Variants in DMD observed in about 807,000 individuals in gnomAD.
The protein encoded by DMD is dystrophin, also known as mutant dystrophin.
In DMD, 63 loss-of-function variants were observed where a neutral mutation model predicts 330.1. That is an observed-to-expected ratio of 0.19 (90% CI 0.16 to 0.24). The LOEUF is 0.24. Ranked by LOEUF, DMD falls within the 10% of genes least tolerant of loss-of-function variation. DMD has a pLI of 1.00. For synonymous variants in DMD, 1,223 were observed against 959.8 expected (o/e 1.27, Z -5.07); for missense variants, 3,344 against 2,684.1 (o/e 1.25, Z -5.43).
chrX:32,815,494 C>CATATATATATATATATATAT (rs1557051738), intron 6 of DMD, among the ~76,000 whole-genome samples: 2 of 71,849 alleles, frequency 2.8e-5, no homozygotes, highest in African/African-American at 5.7e-5. Flanking sequence ...CACACACAAG[C>CATATATATATATATATATAT]ATATATATAT....
intron 61 of DMD, among the ~76,000 whole-genome samples, chrX:31,336,926 CT>C (rs66807082): frequency 0.29 from 27,247 of 94,105 alleles, 3,327 homozygotes; most frequent in East Asian, 0.52. Flanking sequence ...TTCTTTCTTT[CT>C]TTTTTTTTTT....
At chrX:32,784,486 C>A (rs770187938) in intron 7 of DMD, among the ~76,000 whole-genome samples, 1 of 111,642 alleles carries the variant, frequency 9.0e-6, no homozygotes, top group Non-Finnish European at 1.9e-5. Flanking sequence ...GAAAATAAAT[C>A]CAGAACTTTT....
chrX:33,286,113 A>T (rs2053428028), intron 1 of DMD, among the ~76,000 whole-genome samples: 1 of 111,801 alleles, frequency 8.9e-6, no homozygotes, highest in African/African-American at 3.2e-5. Flanking sequence ...AGAGCATATT[A>T]GTATTGCATT....
At chrX:31,857,238 G>A (rs750510699) in intron 48 of DMD, among the ~76,000 whole-genome samples, 2 of 108,156 alleles carry the variant, frequency 1.8e-5, no homozygotes, top group South Asian at 8.2e-4. Flanking sequence ...AATTAGCCGG[G>A]TGTGGTGGTG....
At chrX:32,674,280 T>A (rs1389823582) in intron 9 of DMD, among the ~76,000 whole-genome samples, 1 of 111,651 alleles carries the variant, frequency 9.0e-6, no homozygotes, top group Non-Finnish European at 1.9e-5. Flanking sequence ...ACTGGATGGA[T>A]CATAAAGACT....
chrX:32,456,578 TTGTGTGTGTGTGTGTGTGTGTGTGTG>T (rs60876331), intron 25 of DMD, among the ~76,000 whole-genome samples: 2 of 89,506 alleles, frequency 2.2e-5, no homozygotes, highest in East Asian at 3.7e-4. Flanking sequence ...CATACATACT[TTGTGTGTGTGTGTGTGTGTGTGTGTG>T]TGTGTGTGTG....
At chrX:31,425,258 C>T (rs1669567027) in intron 60 of DMD, among the ~76,000 whole-genome samples, 1 of 112,318 alleles carries the variant, frequency 8.9e-6, no homozygotes, top group Admixed American at 9.5e-5. Flanking sequence ...TCTGAAAAGG[C>T]ACTTTTTCTA....
chrX:32,727,670 G>A (rs757547835), intron 7 of DMD, among the ~76,000 whole-genome samples: 1 of 110,704 alleles, frequency 9.0e-6, no homozygotes, highest in Non-Finnish European at 1.9e-5. Flanking sequence ...AACAACAAAT[G>A]TGTTAAAAGT....
At chrX:33,280,309 G>T (rs1191713303) in intron 1 of DMD, among the ~76,000 whole-genome samples, 1 of 111,937 alleles carries the variant, frequency 8.9e-6, no homozygotes, top group African/African-American at 3.2e-5. Flanking sequence ...AGAATATTTT[G>T]CATAGCAAAA....
At chrX:31,180,824 C>A (rs2041082161) in intron 68 of DMD, among the ~76,000 whole-genome samples, 1 of 112,005 alleles carries the variant, frequency 8.9e-6, no homozygotes, top group South Asian at 3.7e-4. Context: ...AAAAGAACTT[C>A]CAGGAGCGAC....
At chrX:32,727,543 T>C (rs1000833577) in intron 7 of DMD, among the ~76,000 whole-genome samples, 1 of 110,358 alleles carries the variant, frequency 9.1e-6, no homozygotes, top group East Asian at 2.9e-4. Flanking sequence ...TATTGGTCCC[T>C]TCAGTGAATA....
At chrX:32,496,469 T>C (rs2043494412) in intron 19 of DMD, among the ~76,000 whole-genome samples, 1 of 112,160 alleles carries the variant, frequency 8.9e-6, no homozygotes, top group African/African-American at 3.2e-5. Flanking sequence ...AAATTAATAG[T>C]ATATATAAAA....
intron 49 of DMD, among the ~76,000 whole-genome samples, chrX:31,825,271 T>C (rs1486669011): frequency 1.8e-5 from 2 of 111,683 alleles, no homozygotes; most frequent in Non-Finnish European, 3.8e-5. Flanking sequence ...CTGAGAAATG[T>C]GGTAATCTTA....
intron 52 of DMD, among the ~76,000 whole-genome samples, chrX:31,687,612 T>C (rs1440453862): frequency 8.9e-6 from 1 of 111,842 alleles, no homozygotes; most frequent in Non-Finnish European, 1.9e-5. Context: ...GCACTTTATA[T>C]TGTGGTGTGA....
At chrX:33,146,445 T>C (rs1266442888) in intron 1 of DMD, among the ~76,000 whole-genome samples, 1 of 111,945 alleles carries the variant, frequency 8.9e-6, no homozygotes, top group Non-Finnish European at 1.9e-5. Context: ...AACTCAGGGT[T>C]AGCTGCTTTA....
At chrX:33,088,337 A>C (rs1239734669) in intron 1 of DMD, among the ~76,000 whole-genome samples, 1 of 111,845 alleles carries the variant, frequency 8.9e-6, no homozygotes, top group Non-Finnish European at 1.9e-5. Context: ...GAGCCACTGC[A>C]TCTGGCTTTG....
intron 60 of DMD, among the ~76,000 whole-genome samples, chrX:31,355,870 T>A (rs12007426): frequency 0.26 from 24,980 of 96,644 alleles, 2,867 homozygotes; most frequent in East Asian, 0.48. Context: ...GAAAAAATAA[T>A]AAAAAAAAAA....
chrX:32,819,793 G>A (rs1313400007), intron 5 of DMD, among the ~76,000 whole-genome samples: 1 of 105,209 alleles, frequency 9.5e-6, no homozygotes, highest in African/African-American at 3.5e-5. Flanking sequence ...TTTAATCTTT[G>A]CTGAAATTCA....
intron 62 of DMD, among the ~76,000 whole-genome samples, chrX:31,292,938 T>G (rs2053815380): frequency 9.0e-6 from 1 of 110,834 alleles, no homozygotes; most frequent in Non-Finnish European, 1.9e-5. Context: ...GCAGTTACCT[T>G]TAAGATGAGG....
Sources: allele counts gnomAD v4.1 joint callset (sites outside exome capture counted in the v4.1 genomes callset), GRCh38; gene constraint gnomAD v4.1.1; transcripts MANE v1.5; gene names NCBI Gene and HGNC (gene_info 2026-07-23, HGNC 2026-07-21).